The following YIPF4 variants were observed in gnomAD, a reference collection of about 807,000 sequenced individuals.
YIPF4 encodes Yip1 domain family member 4, also known as protein YIPF4.
A neutral mutation model predicts 29.4 loss-of-function variants in YIPF4; 18 were observed. The observed-to-expected ratio is 0.61, with a 90% CI of 0.42 to 0.91. The LOEUF (loss-of-function observed/expected upper bound fraction) is 0.91, where lower values mean the gene tolerates loss of function less well. Ranked by LOEUF, YIPF4 falls within the 40% of genes least tolerant of loss-of-function variation. YIPF4 has a pLI of 0.00. For synonymous variants in YIPF4, 115 were observed against 104.7 expected (o/e 1.10, Z -0.60); for missense variants, 279 against 282.7 (o/e 0.99, Z 0.09).
chr2:32,292,202 G>A lies in YIPF4; in HGVS notation c.259G>A (p.Asp87Asn). 2 of 1,578,742 alleles carry A rather than the reference G, an allele frequency of 1.3e-6. No homozygotes were observed. Among genetic ancestry groups the A allele is most frequent in the Non-Finnish European group, 1.7e-6 (2 of 1,163,720 alleles). The change falls in exon 3 of 6, where the codon GAT becomes AAT. Residue 87 changes from aspartate to asparagine, a missense_variant. Physicochemically the swap from Asp to Asn is conservative, Grantham distance 23. Coordinates refer to ENST00000238831, the MANE Select transcript of YIPF4 (RefSeq NM_032312.4). ...LLEELDIDLK[D>N]IYYKIRCVLM... ...GGAAGAATTGGACATTGATCTAAAG[G>A]ATATTTACTACAAAATCCGATGTGT... is the stretch of plus-strand genomic sequence containing the variant.
chr2:32,297,127 G>GT (rs940558324), intron 3 of YIPF4, among the ~76,000 whole-genome samples: 167 of 143,662 alleles, frequency 1.2e-3, no homozygotes, highest in Middle Eastern at 3.6e-3. Context: ...CCGTTTTTTT[G>GT]TTTTTTTTTT....
Position 32,305,554 on chromosome 2 carries a change from CA to C in YIPF4, c.668del (p.Lys223SerfsTer4). 1 of 1,610,688 alleles carries C rather than the reference CA, an allele frequency of 6.2e-7. No homozygotes were observed. On this transcript the variant is annotated frameshift_variant, in exon 6 of 6. Coordinates refer to ENST00000238831, the MANE Select transcript of YIPF4 (RefSeq NM_032312.4). LOFTEE classifies it high-confidence loss of function. The part of the protein sequence containing the change: ...SLLVGEEFKT[K>X]KPLLIYPIFL... ...TGTTAGTGGGTGAAGAATTCAAGACCAAAAAGCCTCTTCTGATTTATCCAAT... is the reference window on the plus strand; with the variant it reads ...TGTTAGTGGGTGAAGAATTCAAGACCAAAAGCCTCTTCTGATTTATCCAAT...
chr2:32,305,477 C>T lies in YIPF4; in HGVS notation c.598-12C>T, dbSNP rs1483843604. The T allele has an allele frequency of 3.3e-6, 5 of 1,519,636 alleles. No homozygotes were observed. Among genetic ancestry groups the T allele is most frequent in the Admixed American group, 2.2e-5 (1 of 44,574 alleles). The allele number at this position is 1,519,636 out of a possible 1,614,324, so 94.1% of individuals were successfully genotyped here. On this transcript the variant is annotated splice_polypyrimidine_tract_variant and intron_variant, in intron 5 of 5. Coordinates refer to ENST00000238831, the MANE Select transcript of YIPF4 (RefSeq NM_032312.4). Reference sequence around the variant, plus strand: ...AATATGCTGCCTTTTGTCTTTTTTCCTTTTTTTAAAGCTGTTTGGTGTGTT... The same window carrying T: ...AATATGCTGCCTTTTGTCTTTTTTCTTTTTTTTAAAGCTGTTTGGTGTGTT...
intron 1 of YIPF4, among the ~76,000 whole-genome samples, chr2:32,279,394 C>CTTTTTTTTTTT: frequency 1.0e-5 from 1 of 98,754 alleles, no homozygotes; most frequent in Non-Finnish European, 1.9e-5. Context: ...CTAGATTTTC[C>CTTTTTTTTTTT]TTTTTTTTTT....
intron 3 of YIPF4, among the ~76,000 whole-genome samples, chr2:32,296,301 A>C (rs1452300341): frequency 6.6e-6 from 1 of 151,978 alleles, no homozygotes; most frequent in Admixed American, 6.6e-5. Context: ...GTGAAACCCC[A>C]TCTCTCCTAA....
At chr2:32,285,550 A>T (rs1333161743) in intron 1 of YIPF4, among the ~76,000 whole-genome samples, 2 of 151,842 alleles carry the variant, frequency 1.3e-5, no homozygotes, top group Non-Finnish European at 2.9e-5. Flanking sequence ...TCACTCTGTT[A>T]TTGTGACCAT....
chr2:32,304,072 A>T (rs1473939147), intron 5 of YIPF4, among the ~76,000 whole-genome samples: 2 of 152,232 alleles, frequency 1.3e-5, no homozygotes, highest in Non-Finnish European at 2.9e-5. Context: ...TTATATCATT[A>T]AAAATTTAGA....
chr2:32,305,776 T>G lies in YIPF4; in HGVS notation c.*150T>G. 8.0e-7 allele frequency: 1 copy of G among 1,247,890 alleles called. No individual in the cohort carries two copies. Among genetic ancestry groups the G allele is most frequent in the Non-Finnish European group, 1.0e-6 (1 of 997,356 alleles). The allele number at this position is 1,247,890 out of a possible 1,614,324, so 77.3% of individuals were successfully genotyped here. A position where few individuals can be genotyped will look rare whatever the true frequency, so the allele number is the denominator to read the frequency against. On this transcript the variant is annotated 3_prime_UTR_variant, in exon 6 of 6. Transcript: ENST00000238831. ...TCTAAGCGCTTTTTAAAACAATTTT[T>G]TTTTGTATTTAATTAAGCAATTGCA...
At chr2:32,286,750 T>C (rs1055207043) in intron 1 of YIPF4, among the ~76,000 whole-genome samples, 1 of 152,124 alleles carries the variant, frequency 6.6e-6, no homozygotes, top group Non-Finnish European at 1.5e-5. Context: ...TTTACCACGT[T>C]GGCCAGGATT....
rs970794006 is a variant in YIPF4 at position 32,312,629 on chromosome 2, T to C, written c.*7003T>C. 6.6e-6 allele frequency: 1 copy of C among 150,874 alleles called. No homozygotes were observed. The highest frequency in any genetic ancestry group is 1.5e-5 in the Non-Finnish European group (1 of 67,908). The allele number at this position is 150,874 out of a possible 1,614,324, so 9.3% of individuals were successfully genotyped here. On this transcript the variant is annotated 3_prime_UTR_variant, in exon 6 of 6. Coordinates refer to ENST00000238831, the MANE Select transcript of YIPF4 (RefSeq NM_032312.4). ...GAAGGGACAATAGATATTAATCACA[T>C]ATTTATTAACCCCTTCCTGTATGAA... is the stretch of plus-strand genomic sequence containing the variant.
intron 3 of YIPF4, among the ~76,000 whole-genome samples, chr2:32,294,625 GGCGGCCAGGCAGA>G (rs960017417): frequency 9.2e-5 from 14 of 151,780 alleles, no homozygotes; most frequent in African/African-American, 3.4e-4. Context: ...CCAGACGATG[GGCGGCCAGGCAGA>G]GACGCTCCTC....
intron 3 of YIPF4, among the ~76,000 whole-genome samples, chr2:32,295,523 C>T (rs2031144435): frequency 6.6e-6 from 1 of 152,168 alleles, no homozygotes; most frequent in East Asian, 1.9e-4. Context: ...GCCAGCATTC[C>T]TTGGCTTCTG....
At chr2:32,291,023 C>G (rs1386609804) in intron 2 of YIPF4, 1 of 152,470 alleles carries the variant, frequency 6.6e-6, no homozygotes, top group East Asian at 1.9e-4. Flanking sequence ...CATAGAAATT[C>G]TAGAGCTGCC....
At position 32,298,510 on chromosome 2, in the gene YIPF4, G is replaced by C. The variant is rs796436446; in HGVS notation, c.483+199G>C. 2.4e-4 allele frequency among the ~76,000 whole-genome samples: 37 copies of C among 152,046 alleles called. 1 individual carries two copies. The highest frequency in any genetic ancestry group is 8.7e-4 in the African/African-American group (36 of 41,476). On this transcript the variant is annotated intron_variant, in intron 4 of 5. Coordinates refer to ENST00000238831, the MANE Select transcript of YIPF4 (RefSeq NM_032312.4). ...GAAATGAGGAAAAAGAAAATATCCC[G>C]TCCCATTTATGAAGTAATTGCAGCC...
chr2:32,306,507 T>A lies in YIPF4; in HGVS notation c.*881T>A, dbSNP rs1468443906. On this transcript the variant is annotated 3_prime_UTR_variant, in exon 6 of 6. Coordinates refer to ENST00000238831, the MANE Select transcript of YIPF4 (RefSeq NM_032312.4). Reference sequence around the variant, plus strand: ...ATCATAAAAGTTGGGGAAAGAGACCTTTAAAATCTTGTGGTGTTGAACAAT... The same window carrying A: ...ATCATAAAAGTTGGGGAAAGAGACCATTAAAATCTTGTGGTGTTGAACAAT... The A allele has an allele frequency of 1.0e-6, 1 of 984,394 alleles. No homozygotes were observed. Among genetic ancestry groups the A allele is most frequent in the African/African-American group, 1.7e-5 (1 of 57,216 alleles). 61.0% of individuals were successfully genotyped at this position (984,394 alleles called of 1,614,324 possible). A position where few individuals can be genotyped will look rare whatever the true frequency, so the allele number is the denominator to read the frequency against.
Position 32,311,945 on chromosome 2 carries a change from T to A in YIPF4, c.*6319T>A, listed in dbSNP as rs533516073. 1 of 152,354 alleles carries A rather than the reference T, an allele frequency of 6.6e-6. No individual in the cohort carries two copies. Among genetic ancestry groups the A allele is most frequent in the East Asian group, 1.9e-4 (1 of 5,184 alleles). The allele number at this position is 152,354 out of a possible 1,614,324, so 9.4% of individuals were successfully genotyped here. On this transcript the variant is annotated 3_prime_UTR_variant, in exon 6 of 6. Transcript: ENST00000238831. ...GATTAAGTTCAATATTTTTGCTCTA[T>A]TTTATACCTACTCACTTTGGTGGAA...
intron 1 of YIPF4, among the ~76,000 whole-genome samples, chr2:32,284,819 G>C (rs1293094580): frequency 1.3e-5 from 2 of 152,188 alleles, no homozygotes; most frequent in Non-Finnish European, 2.9e-5. Flanking sequence ...GGTTCATTCA[G>C]AGAAATGAGA....
intron 3 of YIPF4, among the ~76,000 whole-genome samples, chr2:32,296,000 A>G (rs534087910): frequency 1.3e-5 from 2 of 152,318 alleles, no homozygotes; most frequent in Admixed American, 1.3e-4. Context: ...ATGCATTACT[A>G]TACTAGTCCT....
At chr2:32,292,694 TC>T (rs1325646361) in intron 3 of YIPF4, among the ~76,000 whole-genome samples, 3 of 151,532 alleles carry the variant, frequency 2.0e-5, no homozygotes, top group Admixed American at 2.0e-4. Context: ...AAGCCCTGTC[TC>T]TACTAAAACT....
Sources: allele counts gnomAD v4.1 joint callset (sites outside exome capture counted in the v4.1 genomes callset), GRCh38; gene constraint gnomAD v4.1.1; transcripts MANE v1.5; gene names NCBI Gene and HGNC (gene_info 2026-07-23, HGNC 2026-07-21).